The following KCNIP1 variants were observed in gnomAD, a reference collection of about 807,000 sequenced individuals.
The protein encoded by KCNIP1 is A-type potassium channel modulatory protein KCNIP1.
A neutral mutation model predicts 33.0 loss-of-function variants in KCNIP1; 18 were observed. The observed-to-expected ratio is 0.55, with a 90% CI of 0.38 to 0.81. The LOEUF (loss-of-function observed/expected upper bound fraction) is 0.81. Ranked by LOEUF, KCNIP1 falls within the 30% of genes least tolerant of loss-of-function variation. KCNIP1 has a pLI of 0.00. For synonymous variants in KCNIP1, 93 were observed against 98.3 expected, an observed-to-expected ratio of 0.95 and a Z score of 0.32; for missense variants, 238 against 271.6, an observed-to-expected ratio of 0.88 and a Z score of 0.87.
chr5:170,504,330 G>A lies in KCNIP1; in HGVS notation c.-243G>A. The A allele has an allele frequency of 7.3e-7, 1 of 1,375,192 alleles. No individual in the cohort carries two copies. Among genetic ancestry groups the A allele is most frequent in the African/African-American group, 1.5e-5 (1 of 66,806 alleles). 85.2% of individuals were successfully genotyped at this position (1,375,192 alleles called of 1,614,324 possible). A position where few individuals can be genotyped will look rare whatever the true frequency, so the allele number is the denominator to read the frequency against. Reference sequence around the variant, plus strand: ...AACCGCCGGGCCGGGTCCTCGCGCGGGGAAGCGGTTCCGAAGGCTCGCGGG... The same window carrying A: ...AACCGCCGGGCCGGGTCCTCGCGCGAGGAAGCGGTTCCGAAGGCTCGCGGG... On this transcript the variant is annotated 5_prime_UTR_variant, in exon 1 of 8. Coordinates refer to ENST00000328939, the MANE Select transcript of KCNIP1 (RefSeq NM_014592.4). This position sits in a 1 kb window ranked among gnomAD's most constrained non-coding sequence, Gnocchi z 6.0.
chr5:170,543,524 G>A (rs1464249352), intron 1 of KCNIP1, among the ~76,000 whole-genome samples: 1 of 152,174 alleles, frequency 6.6e-6, no homozygotes, highest in Non-Finnish European at 1.5e-5. Context: ...GGGGAGGCAT[G>A]GCACATTTTT....
At chr5:170,727,320 C>T (rs536393764) in intron 5 of KCNIP1, among the ~76,000 whole-genome samples, 5 of 152,184 alleles carry the variant, frequency 3.3e-5, no homozygotes, top group East Asian at 3.9e-4. Context: ...GCACTCACTG[C>T]GAAGAAGTGT....
chr5:170,541,122 C>T (rs964266481), intron 1 of KCNIP1, among the ~76,000 whole-genome samples: 2 of 152,166 alleles, frequency 1.3e-5, no homozygotes, highest in African/African-American at 4.8e-5. Context: ...TTGGACAAGG[C>T]CCTTCCACTC....
At chr5:170,613,757 G>A (rs1278898842) in intron 1 of KCNIP1, among the ~76,000 whole-genome samples, 2 of 152,132 alleles carry the variant, frequency 1.3e-5, no homozygotes, top group Non-Finnish European at 1.5e-5. Flanking sequence ...ATAAAGAAGT[G>A]TCAGAAAAAA....
At position 170,707,629 on chromosome 5, in the gene KCNIP1, C is replaced by T. The variant is rs373477649; in HGVS notation, c.62-11129C>T. Among the ~76,000 whole-genome samples, 4 of 152,184 alleles carry T rather than the reference C, an allele frequency of 2.6e-5. No homozygotes were observed. The East Asian group carries it at 7.7e-4, about 29-fold the overall frequency. Reference sequence around the variant, plus strand: ...TGTAAGGGACATTTGACACTCCTCTCCCCACCCACCTCAACATTTGTGCTG... The same window carrying T: ...TGTAAGGGACATTTGACACTCCTCTTCCCACCCACCTCAACATTTGTGCTG... On this transcript the variant is annotated intron_variant, in intron 1 of 7. Transcript: ENST00000328939.
At chr5:170,724,907 G>A (rs1763956228) in intron 5 of KCNIP1, among the ~76,000 whole-genome samples, 1 of 152,162 alleles carries the variant, frequency 6.6e-6, no homozygotes, top group Admixed American at 6.5e-5. Flanking sequence ...TTGATTTATA[G>A]ATTTAGTGTG....
intron 2 of KCNIP1, 35 bp downstream of exon 2, chr5:170,718,917 G>A (rs34377595): frequency 1.3e-6 from 2 of 1,591,564 alleles, no homozygotes; most frequent in Non-Finnish European, 1.7e-6. Context: ...GCCTGGGGGG[G>A]GTTCCCACGT....
intron 1 of KCNIP1, among the ~76,000 whole-genome samples, chr5:170,667,858 C>T (rs757109738): frequency 7.2e-5 from 11 of 152,172 alleles, no homozygotes; most frequent in African/African-American, 1.4e-4. Context: ...CTTCATCATT[C>T]GGGACTCTTC....
At chr5:170,734,846 G>A (rs917137593) in intron 7 of KCNIP1, among the ~76,000 whole-genome samples, 1 of 152,226 alleles carries the variant, frequency 6.6e-6, no homozygotes, top group Admixed American at 6.5e-5. Flanking sequence ...AGAATGGAAT[G>A]AACACTGACC....
chr5:170,585,841 C>G (rs544121680), intron 1 of KCNIP1, among the ~76,000 whole-genome samples: 1 of 152,344 alleles, frequency 6.6e-6, no homozygotes, highest in African/African-American at 2.4e-5. Flanking sequence ...ACGGCTGTCT[C>G]CCAGCCCTGG....
intron 1 of KCNIP1, among the ~76,000 whole-genome samples, chr5:170,430,605 C>T (rs1007326433): frequency 2.0e-5 from 3 of 152,162 alleles, no homozygotes; most frequent in East Asian, 1.9e-4. Context: ...CATTCCCAAA[C>T]GTTCATCTGT....
intron 5 of KCNIP1, among the ~76,000 whole-genome samples, chr5:170,727,396 A>G (rs1764047179): frequency 6.6e-6 from 1 of 152,194 alleles, no homozygotes; most frequent in African/African-American, 2.4e-5. Context: ...ACATGGGTGG[A>G]TACATTTGTC....
intron 1 of KCNIP1, among the ~76,000 whole-genome samples, chr5:170,691,756 AGGGAACCAGCAG>A (rs1489242758): frequency 1.3e-5 from 2 of 152,272 alleles, no homozygotes; most frequent in Non-Finnish European, 2.9e-5. Flanking sequence ...TCTGGTGCCC[AGGGAACCAGCAG>A]GGTCCCCTGA....
rs1763718224 is a variant in KCNIP1, at chr5:170,367,421, G to GGAAGGAAA, written c.88+13460_88+13461insGGAAAGAA. Among the ~76,000 whole-genome samples the GGAAGGAAA allele has an allele frequency of 3.6e-4, 27 of 74,734 alleles. 3 individuals are homozygous for GGAAGGAAA. The highest frequency in any genetic ancestry group is 1.4e-3 in the African/African-American group (26 of 19,162). 49.0% of individuals were successfully genotyped at this position (74,734 alleles called of 152,430 possible). A position where few individuals can be genotyped will look rare whatever the true frequency, so the allele number is the denominator to read the frequency against. On this transcript the variant is annotated intron_variant, in intron 1 of 7. Coordinates refer to the KCNIP1 transcript ENST00000377360. ...AGAAAGAAAGAAAGAAAGAAAGAAA[G>GGAAGGAAA]GAAAGAAAGAAAGAAAGGAAAGAAA...
At chr5:170,645,868 C>T (rs974938128) in intron 1 of KCNIP1, among the ~76,000 whole-genome samples, 18 of 151,682 alleles carry the variant, frequency 1.2e-4, no homozygotes, top group African/African-American at 4.4e-4. Flanking sequence ...TCCTAAATAA[C>T]ATAGGTCAAA....
intron 1 of KCNIP1, among the ~76,000 whole-genome samples, chr5:170,668,983 G>A (rs1761815795): frequency 6.6e-6 from 1 of 152,118 alleles, no homozygotes; most frequent in Non-Finnish European, 1.5e-5. Flanking sequence ...AACCCTTCCT[G>A]GATTCCCAGG....
chr5:170,645,269 T>C (rs1013715058), intron 1 of KCNIP1, among the ~76,000 whole-genome samples: 5 of 152,180 alleles, frequency 3.3e-5, no homozygotes, highest in Admixed American at 1.3e-4. Flanking sequence ...AGGGTTTAAA[T>C]TGGATTTAAA....
chr5:170,523,521 C>T lies in KCNIP1; in HGVS notation c.61+18888C>T, dbSNP rs1305032901. Among the ~76,000 whole-genome samples the T allele has an allele frequency of 4.6e-5, 7 of 152,310 alleles. No individual in the cohort carries two copies. In the East Asian group the frequency reaches 1.4e-3, roughly 29 times the overall value. ...GTAATCATTCCTCCTCCTAAGACTC[C>T]TACCTGGCTGGGCCAGGACATGGCA... On this transcript the variant is annotated intron_variant, in intron 1 of 7. Transcript: ENST00000328939.
intron 1 of KCNIP1, among the ~76,000 whole-genome samples, chr5:170,655,251 A>G (rs1424266242): frequency 6.6e-6 from 1 of 152,222 alleles, no homozygotes; most frequent in African/African-American, 2.4e-5. Flanking sequence ...TGAGGAAGTC[A>G]GAGTGCATTA....
Sources: allele counts gnomAD v4.1 joint callset (sites outside exome capture counted in the v4.1 genomes callset), GRCh38; gene constraint gnomAD v4.1.1; non-coding constraint Gnocchi (gnomAD v3.1); transcripts MANE v1.5; gene names NCBI Gene and HGNC (gene_info 2026-07-23, HGNC 2026-07-21).